Variants in CDH22 observed in about 807,000 individuals in gnomAD.
The protein encoded by CDH22 is cadherin 22.
In CDH22, 30 loss-of-function variants were observed where a neutral mutation model predicts 58.4. The ratio of observed to expected loss-of-function variants is 0.51; its 90% CI spans 0.38 to 0.70. The LOEUF (loss-of-function observed/expected upper bound fraction) is 0.70, where lower values mean the gene tolerates loss of function less well. Among genes scored for constraint, CDH22 ranks in the 30% least tolerant of loss-of-function variants. CDH22 has a pLI of 0.00. For missense variants in CDH22, 1,014 were observed against 1,233.9 expected, an observed-to-expected ratio of 0.82 and a Z score of 2.67; for synonymous variants, 513 against 558.2, an observed-to-expected ratio of 0.92 and a Z score of 1.14.
intron 1 of CDH22, among the ~76,000 whole-genome samples, chr20:46,297,874 G>A (rs1048822635): frequency 6.6e-6 from 1 of 151,938 alleles, no homozygotes; most frequent in Non-Finnish European, 1.5e-5. Flanking sequence ...ACCCATCCTA[G>A]CCACAGGCTT....
chr20:46,263,687 C>T (rs1258497143), intron 1 of CDH22, among the ~76,000 whole-genome samples: 3 of 151,922 alleles, frequency 2.0e-5, no homozygotes, highest in African/African-American at 7.3e-5. Flanking sequence ...ATGTGCAGAG[C>T]CATATTTAGG....
chr20:46,212,723 C>G (rs139765679), intron 6 of CDH22, among the ~76,000 whole-genome samples: 1 of 152,204 alleles, frequency 6.6e-6, no homozygotes, highest in Non-Finnish European at 1.5e-5. Flanking sequence ...GTGAAGCACA[C>G]GTCAGAGTGT....
intron 1 of CDH22, among the ~76,000 whole-genome samples, chr20:46,298,924 TC>T (rs903698860): frequency 2.6e-5 from 4 of 152,140 alleles, no homozygotes; most frequent in Non-Finnish European, 5.9e-5. Flanking sequence ...TGGCCCCTGT[TC>T]TCTACAACTT....
At chr20:46,261,732 T>C (rs1393634528) in intron 1 of CDH22, among the ~76,000 whole-genome samples, 2 of 152,146 alleles carry the variant, frequency 1.3e-5, no homozygotes, top group Admixed American at 1.3e-4. Flanking sequence ...TTGGCTGCCA[T>C]CTTCTCCCTG....
In CDH22 at chr20:46,174,809, G is replaced by A. The variant is rs899410937; in HGVS notation, c.2184C>T (p.Ser728=). 4 of 1,485,082 alleles carry A rather than the reference G, an allele frequency of 2.7e-6. No individual in the cohort carries two copies. Among genetic ancestry groups the A allele is most frequent in the South Asian group, 2.5e-5 (2 of 79,064 alleles). 92.0% of individuals were successfully genotyped at this position (1,485,082 alleles called of 1,614,324 possible). Residue 728 remains serine, a synonymous_variant, in exon 12 of 12, where the codon TCC becomes TCT. Coordinates refer to ENST00000537909, the MANE Select transcript of CDH22 (RefSeq NM_021248.3). The surrounding 1 kb of genome is among the most constrained non-coding windows in gnomAD (Gnocchi z 4.4). ...GCCCCTGCGGCAGCGAGTGGCGCTC[G>A]GAGGGCAGGTGGGCCTGCGGGGGGC... The part of the protein sequence containing the change: ...AGSPPQAHLP[S]ERHSLPQGPP...
chr20:46,285,912 C>A (rs2086574723), intron 1 of CDH22, among the ~76,000 whole-genome samples: 1 of 152,214 alleles, frequency 6.6e-6, no homozygotes, highest in Non-Finnish European at 1.5e-5. Context: ...CATGTCTCTT[C>A]CTCCTCTGAG....
chr20:46,209,224 T>C (rs909238231), intron 7 of CDH22, among the ~76,000 whole-genome samples: 1 of 151,936 alleles, frequency 6.6e-6, no homozygotes, highest in Non-Finnish European at 1.5e-5. Flanking sequence ...CTGGAGGAAG[T>C]GAGAGAGCGA....
chr20:46,214,749 C>T (rs1339282557), intron 5 of CDH22, among the ~76,000 whole-genome samples: 1 of 152,230 alleles, frequency 6.6e-6, no homozygotes, highest in Non-Finnish European at 1.5e-5. Flanking sequence ...TCCAGGGAAC[C>T]TTCCCAGACC....
chr20:46,249,602 C>G (rs977681892), intron 2 of CDH22, among the ~76,000 whole-genome samples: 1 of 152,168 alleles, frequency 6.6e-6, no homozygotes, highest in Non-Finnish European at 1.5e-5. Context: ...GATCTCTGAG[C>G]CTCAGAACTG....
At position 46,237,852 on chromosome 20, in the gene CDH22, C is replaced by T. The variant is rs112639644; in HGVS notation, c.550+3111G>A. Among the ~76,000 whole-genome samples the T allele has an allele frequency of 3.5e-3, 528 of 152,304 alleles. 1 individual carries two copies. Among genetic ancestry groups the T allele is most frequent in the African/African-American group, 0.012 (511 of 41,546 alleles). On this transcript the variant is annotated intron_variant, in intron 3 of 11. Coordinates refer to ENST00000537909, the MANE Select transcript of CDH22 (RefSeq NM_021248.3). ...ACAAGGACCCTTGCCATTCCAACAACCTGGGAGCCACGCCCAGCAACTTGC... is the reference window on the plus strand; with the variant it reads ...ACAAGGACCCTTGCCATTCCAACAATCTGGGAGCCACGCCCAGCAACTTGC...
chr20:46,271,897 C>A (rs1028634411), intron 1 of CDH22, among the ~76,000 whole-genome samples: 123 of 152,298 alleles, frequency 8.1e-4, no homozygotes, highest in Non-Finnish European at 1.2e-3. Flanking sequence ...TCCTCTGAAG[C>A]CCAAGGATAA....
intron 1 of CDH22, among the ~76,000 whole-genome samples, chr20:46,284,998 C>G (rs1406073549): frequency 6.6e-6 from 1 of 152,200 alleles, no homozygotes; most frequent in South Asian, 2.1e-4. Flanking sequence ...TTCCCCCGAC[C>G]CCCAACCTGA....
intron 3 of CDH22, among the ~76,000 whole-genome samples, chr20:46,233,274 C>T (rs918938805): frequency 6.6e-6 from 1 of 152,130 alleles, no homozygotes; most frequent in African/African-American, 2.4e-5. Flanking sequence ...CTTATGGATC[C>T]CGGCCATGGA....
intron 7 of CDH22, among the ~76,000 whole-genome samples, chr20:46,200,594 T>C (rs1263795488): frequency 6.6e-6 from 1 of 152,120 alleles, no homozygotes; most frequent in Admixed American, 6.5e-5. Context: ...TTCTTATCTT[T>C]CCCTAAGAGG....
rs11904910 is a variant in CDH22, at chr20:46,230,374, T to A, written c.551-2747A>T. Among the ~76,000 whole-genome samples, 687 of 152,142 alleles carry A rather than the reference T, an allele frequency of 4.5e-3. 9 individuals are homozygous for A. Among genetic ancestry groups the A allele is most frequent in the African/African-American group, 0.016 (656 of 41,476 alleles). Reference sequence around the variant, plus strand: ...TGATTTCCATGGTGTAAATATTCTCTCCATGGCCCAGTTTCAAGCTACCAA... The same window carrying A: ...TGATTTCCATGGTGTAAATATTCTCACCATGGCCCAGTTTCAAGCTACCAA... On this transcript the variant is annotated intron_variant, in intron 3 of 11. Transcript: ENST00000537909.
At chr20:46,285,239 G>C (rs2086570959) in intron 1 of CDH22, among the ~76,000 whole-genome samples, 1 of 152,224 alleles carries the variant, frequency 6.6e-6, no homozygotes, top group Admixed American at 6.5e-5. Context: ...TCTCGAACAG[G>C]CCAAATGGGA....
chr20:46,181,748 C>CTTTCTTTCTTTCT (rs1555800212), intron 10 of CDH22, among the ~76,000 whole-genome samples: 104 of 26,272 alleles, frequency 4.0e-3, no homozygotes, highest in East Asian at 0.021. Flanking sequence ...TCCTTCCTTC[C>CTTTCTTTCTTTCT]TTCCTTCTTT....
At chr20:46,228,557 G>A (rs1352181097) in intron 3 of CDH22, among the ~76,000 whole-genome samples, 1 of 151,810 alleles carries the variant, frequency 6.6e-6, no homozygotes, top group Non-Finnish European at 1.5e-5. Flanking sequence ...CCAGGTGGGG[G>A]TGGGGGTAAG....
intron 2 of CDH22, among the ~76,000 whole-genome samples, chr20:46,247,547 G>T (rs965838591): frequency 1.3e-5 from 2 of 152,160 alleles, no homozygotes; most frequent in Non-Finnish European, 2.9e-5. Flanking sequence ...CTCTAGAGAT[G>T]ATTTAAAGTA....
Sources: gnomAD v4.1 joint callset for allele counts (sites outside exome capture counted in the v4.1 genomes callset) on GRCh38, gnomAD v4.1.1 for gene constraint, Gnocchi (gnomAD v3.1) non-coding constraint, MANE v1.5 for transcripts, NCBI Gene and HGNC (gene_info 2026-07-23, HGNC 2026-07-21) for gene names.